The following ARHGEF10L variants were observed in gnomAD, a reference collection of about 807,000 sequenced individuals.
ARHGEF10L encodes Rho guanine nucleotide exchange factor 10 like.
In ARHGEF10L, 69 loss-of-function variants were observed where a neutral mutation model predicts 141.2. The ratio of observed to expected loss-of-function variants is 0.49; its 90% CI spans 0.40 to 0.60. The LOEUF is 0.60. Ranked by LOEUF, ARHGEF10L falls within the 20% of genes least tolerant of loss-of-function variation. The pLI, the probability that ARHGEF10L is intolerant of heterozygous loss-of-function variation, is 0.00. For missense variants in ARHGEF10L, 1,482 were observed against 1,734.3 expected (o/e 0.85, Z 2.58); for synonymous variants, 711 against 718.5 (o/e 0.99, Z 0.17).
intron 1 of ARHGEF10L, among the ~76,000 whole-genome samples, chr1:17,545,220 A>C (rs2076876099): frequency 1.3e-5 from 2 of 152,176 alleles, no homozygotes; most frequent in African/African-American, 4.8e-5. Context: ...ATATCACAGA[A>C]ATTGGCAAAC....
chr1:17,645,621 T>G (rs1242563465), intron 21 of ARHGEF10L, among the ~76,000 whole-genome samples: 1 of 152,174 alleles, frequency 6.6e-6, no homozygotes, highest in Non-Finnish European at 1.5e-5. Flanking sequence ...CTCTCAAATC[T>G]GGCCTATCTT....
At chr1:17,526,801 G>A in the ARHGEF10L span, among the ~76,000 whole-genome samples, 1 of 152,038 alleles carries the variant, frequency 6.6e-6, no homozygotes, top group African/African-American at 2.4e-5. Flanking sequence ...GCTACTTAGA[G>A]GCTGAAGCAT....
intron 22 of ARHGEF10L, among the ~76,000 whole-genome samples, chr1:17,651,524 G>T (rs913514778): frequency 2.0e-5 from 3 of 152,180 alleles, no homozygotes; most frequent in African/African-American, 7.2e-5. Flanking sequence ...AGCACAGGAT[G>T]CAGGCTGAGC....
chr1:17,545,242 G>C (rs1429986186), intron 1 of ARHGEF10L, among the ~76,000 whole-genome samples: 4 of 152,186 alleles, frequency 2.6e-5, no homozygotes, highest in African/African-American at 9.7e-5. Flanking sequence ...CTGCAAATCA[G>C]AATCTTTTCC....
chr1:17,695,109 A>G, intron 27 of ARHGEF10L, 49 bp from the exon 28 acceptor site: 1 of 1,609,496 alleles, frequency 6.2e-7, no homozygotes, highest in East Asian at 2.2e-5. Flanking sequence ...CCCAGAGCCC[A>G]TGCTGTCTCC....
At chr1:17,618,908 T>G (rs892952912) in intron 9 of ARHGEF10L, among the ~76,000 whole-genome samples, 1 of 152,262 alleles carries the variant, frequency 6.6e-6, no homozygotes, top group Non-Finnish European at 1.5e-5. Flanking sequence ...TGCCCTGTTC[T>G]TCTCGGGGCT....
chr1:17,620,552 G>A (rs1366407511), intron 10 of ARHGEF10L, among the ~76,000 whole-genome samples: 1 of 152,200 alleles, frequency 6.6e-6, no homozygotes, highest in Admixed American at 6.5e-5. Flanking sequence ...CAGTGGTCTT[G>A]CCATCTGCTG....
chr1:17,678,465 G>C (rs2063865479), intron 26 of ARHGEF10L, among the ~76,000 whole-genome samples: 1 of 149,780 alleles, frequency 6.7e-6, no homozygotes, highest in African/African-American at 2.5e-5. Context: ...TGTTGAACAG[G>C]CTAGAGTGCA....
At chr1:17,641,980 TAAAAAAAAAGA>T (rs528838012) in intron 21 of ARHGEF10L, among the ~76,000 whole-genome samples, 251 of 138,756 alleles carry the variant, frequency 1.8e-3, no homozygotes, top group African/African-American at 5.0e-3. Flanking sequence ...GACTCCGTCT[TAAAAAAAAAGA>T]AAAAAAAAAG....
chr1:17,526,889 G>A, the ARHGEF10L span, among the ~76,000 whole-genome samples: 9 of 139,896 alleles, frequency 6.4e-5, no homozygotes, highest in African/African-American at 2.4e-4. Context: ...GGACAAGAGA[G>A]TGAGACCCTG....
At chr1:17,588,332 GGCCA>G in intron 3 of ARHGEF10L, 110 bp from the exon 4 acceptor site, 1 of 1,194,044 alleles carries the variant, frequency 8.4e-7, no homozygotes, top group Non-Finnish European at 1.2e-6. Flanking sequence ...CACCCAGACT[GGCCA>G]GGCCCTGTCT....
In ARHGEF10L at chr1:17,616,158, C is replaced by T; in HGVS notation, c.791C>T (p.Ala264Val). The T allele has an allele frequency of 6.2e-7, 1 of 1,613,754 alleles. No individual in the cohort carries two copies. Among genetic ancestry groups the T allele is most frequent in the Non-Finnish European group, 8.5e-7 (1 of 1,179,984 alleles). The change falls in exon 9 of 29, where the codon GCC (alanine) becomes GTC (valine). Residue 264 changes from alanine (A) to valine (V), a missense_variant. Coordinates refer to ENST00000361221, the MANE Select transcript of ARHGEF10L (RefSeq NM_018125.4). ...TKDGLEKTRM[A>V]VMRKVSFLHR... is the part of the protein sequence containing the mutation. ...GATGGGCTGGAGAAGACACGGATGG[C>T]CGTGATGCGCAAAGTCTCCTTCCTG...
At chr1:17,695,969 G>A (rs941597654) in intron 28 of ARHGEF10L, among the ~76,000 whole-genome samples, 1 of 152,084 alleles carries the variant, frequency 6.6e-6, no homozygotes, top group Non-Finnish European at 1.5e-5. Flanking sequence ...GGCCGAGGTG[G>A]GTGGATTGCC....
At chr1:17,674,763 C>T (rs1225842534) in intron 26 of ARHGEF10L, among the ~76,000 whole-genome samples, 2 of 152,136 alleles carry the variant, frequency 1.3e-5, no homozygotes, top group African/African-American at 4.8e-5. Flanking sequence ...TTTTACTGTA[C>T]CTTTTCTATG....
At chr1:17,530,676 T>C in the ARHGEF10L span, among the ~76,000 whole-genome samples, 1 of 152,286 alleles carries the variant, frequency 6.6e-6, no homozygotes, top group East Asian at 1.9e-4. Flanking sequence ...GCAGGCTGCT[T>C]ACCTTTCCGG....
rs1239455271 is a variant in ARHGEF10L at position 17,615,438 on chromosome 1, T to A, written c.727-656T>A. On this transcript the variant is annotated intron_variant, in intron 8 of 28. Transcript: ENST00000361221. This position sits in a 1 kb window ranked among gnomAD's most constrained non-coding sequence, Gnocchi z 4.7. ...CTCCCCACTGCCAGAGGAAGCTGCC[T>A]CTTCTTTCTGGCAACTTCAGCCTTT... 6.6e-6 allele frequency: 1 copy of A among 152,236 alleles called. No homozygotes were observed. Among genetic ancestry groups the A allele is most frequent in the Non-Finnish European group, 1.5e-5 (1 of 68,068 alleles). The allele number at this position is 152,236 out of a possible 1,614,324, so 9.4% of individuals were successfully genotyped here. A position where few individuals can be genotyped will look rare whatever the true frequency, so the allele number is the denominator to read the frequency against.
intron 1 of ARHGEF10L, among the ~76,000 whole-genome samples, chr1:17,546,377 A>C (rs1422910592): frequency 6.6e-6 from 1 of 152,212 alleles, no homozygotes; most frequent in Admixed American, 6.5e-5. Context: ...TGTTTGCTTA[A>C]AGGCAACTGA....
At position 17,697,195 on chromosome 1, in the gene ARHGEF10L, A is replaced by T; in HGVS notation, c.3655A>T (p.Ile1219Phe). Residue 1219 changes from isoleucine (I) to phenylalanine (F), a missense_variant, in exon 29 of 29, where the codon ATC (isoleucine) becomes TTC (phenylalanine). By Grantham distance (21) the Ile-to-Phe change is conservative (BLOSUM62 0). This residue lies in a region of ARHGEF10L where 858 missense variants were observed against 966.3 expected (regional missense o/e 0.89). Transcript: ENST00000361221. The surrounding 1 kb of genome is among the most constrained non-coding windows in gnomAD (Gnocchi z 4.8). ...TTACGAGATGGCCGACGACCCCGAC[A>T]TCTGGGTGCGCAGCCGGCCCTGCGC... The part of the protein sequence containing the change: ...SIYEMADDPD[I>F]WVRSRPCARD... 1 of 1,611,964 alleles carries T rather than the reference A, an allele frequency of 6.2e-7. No homozygotes were observed. Among genetic ancestry groups the T allele is most frequent in the Non-Finnish European group, 8.5e-7 (1 of 1,179,444 alleles).
At chr1:17,677,406 A>G (rs1465687961) in intron 26 of ARHGEF10L, among the ~76,000 whole-genome samples, 1 of 151,858 alleles carries the variant, frequency 6.6e-6, no homozygotes, top group Non-Finnish European at 1.5e-5. Flanking sequence ...TTGCACGCTC[A>G]CTCTCTGCTG....
Sources: gnomAD v4.1 joint callset for allele counts (sites outside exome capture counted in the v4.1 genomes callset) on GRCh38, gnomAD v4.1.1 for gene constraint, gnomAD v4.1.1 regional missense constraint, Gnocchi (gnomAD v3.1) non-coding constraint, MANE v1.5 for transcripts, NCBI Gene and HGNC (gene_info 2026-07-23, HGNC 2026-07-21) for gene names.